Variants in AUH observed in about 807,000 individuals in gnomAD.
AUH encodes the protein methylglutaconyl-CoA hydratase, mitochondrial.
AUH carries 29 observed loss-of-function variants against 42.3 expected under a neutral mutation model. That is an observed-to-expected ratio of 0.69 (90% confidence interval 0.51 to 0.93). The LOEUF (loss-of-function observed/expected upper bound fraction) is 0.93, where lower values mean the gene tolerates loss of function less well. AUH is among the 40% of genes least tolerant of loss of function. The probability of loss-of-function intolerance (pLI) is 0.00; values close to 1 mark genes in which losing one functional copy is unlikely to be tolerated. For synonymous variants in AUH, 174 were observed against 166.4 expected (o/e 1.05, Z -0.35); for missense variants, 452 against 438.1 (o/e 1.03, Z -0.28).
intron 6 of AUH, among the ~76,000 whole-genome samples, chr9:91,292,334 G>A (rs985119322): frequency 6.0e-5 from 9 of 149,900 alleles, no homozygotes; most frequent in Non-Finnish European, 1.0e-4. Context: ...GCTGGAGTGC[G>A]GTGGTGTGAT....
At chr9:91,233,152 A>C (rs71494443) in intron 6 of AUH, among the ~76,000 whole-genome samples, 1 of 152,252 alleles carries the variant, frequency 6.6e-6, no homozygotes, top group South Asian at 2.1e-4. Context: ...AGAAATACAC[A>C]CAGAGAGTAA....
chr9:91,215,009 T>C (rs2131182181), intron 9 of AUH, among the ~76,000 whole-genome samples: 1 of 152,340 alleles, frequency 6.6e-6, no homozygotes, highest in Non-Finnish European at 1.5e-5. Context: ...CTAAGACGTT[T>C]GTAATTCACT....
At chr9:91,338,480 G>C (rs1013979477) in intron 3 of AUH, among the ~76,000 whole-genome samples, 2 of 152,188 alleles carry the variant, frequency 1.3e-5, no homozygotes, top group African/African-American at 4.8e-5. Flanking sequence ...GCCTAGGCTG[G>C]AGCGCAATGG....
intron 6 of AUH, among the ~76,000 whole-genome samples, chr9:91,238,004 G>A (rs1054336074): frequency 1.3e-5 from 2 of 152,162 alleles, no homozygotes; most frequent in East Asian, 3.8e-4. Context: ...AGGGAGTATG[G>A]GGAATGAGTT....
chr9:91,251,386 G>C (rs747000253), intron 6 of AUH, among the ~76,000 whole-genome samples: 2 of 152,190 alleles, frequency 1.3e-5, no homozygotes, highest in Non-Finnish European at 2.9e-5. Flanking sequence ...GGCTGCCAAG[G>C]TGAAATTTAT....
Position 91,220,932 on chromosome 9 carries a change from G to A in AUH, c.716C>T (p.Ser239Phe). ...TTCTTTGCCATCGAGGACTCGCGCA[G>A]AGAATATGAGCTCCTTGGCCAGGGA... ...GMSLAKELIF[S>F]ARVLDGKEAK... The change falls in exon 7 of 10, where the codon TCT becomes TTT. Residue 239 changes from serine (S) to phenylalanine (F), a missense_variant. Physicochemically the swap from Ser to Phe is radical, Grantham distance 155 (BLOSUM62 -2). Transcript: ENST00000375731. 1 of 1,614,224 alleles carries A rather than the reference G, an allele frequency of 6.2e-7. No homozygotes were observed. The highest frequency in any genetic ancestry group is 8.5e-7 in the Non-Finnish European group (1 of 1,180,040).
intron 6 of AUH, among the ~76,000 whole-genome samples, chr9:91,233,781 C>G (rs114626372): frequency 6.6e-6 from 1 of 152,172 alleles, no homozygotes; most frequent in African/African-American, 2.4e-5. Flanking sequence ...GAAGTGTCTT[C>G]TGTATAAGGT....
At chr9:91,299,884 G>A (rs796635725) in intron 4 of AUH, among the ~76,000 whole-genome samples, 9 of 152,110 alleles carry the variant, frequency 5.9e-5, no homozygotes, top group African/African-American at 2.2e-4. Flanking sequence ...CCCGTCAGAA[G>A]CCTTCCTTAG....
chr9:91,254,696 C>T (rs1210987318), intron 6 of AUH, among the ~76,000 whole-genome samples: 1 of 152,152 alleles, frequency 6.6e-6, no homozygotes. Flanking sequence ...CAAGAACTGC[C>T]TATATTGGCA....
chr9:91,357,449 A>T, intron 1 of AUH: 1 of 939,920 alleles, frequency 1.1e-6, no homozygotes, highest in Non-Finnish European at 1.3e-6. Flanking sequence ...CTAAGACTAG[A>T]TGTGTCCATT....
At chr9:91,291,472 A>G (rs537106546) in intron 6 of AUH, among the ~76,000 whole-genome samples, 59 of 152,330 alleles carry the variant, frequency 3.9e-4, no homozygotes, top group Admixed American at 1.1e-3. Context: ...TTTATTTCAC[A>G]TATTAGTTAT....
chr9:91,217,198 TAGAAG>T, intron 8 of AUH, 74 bp downstream of exon 8: 1 of 1,427,840 alleles, frequency 7.0e-7, no homozygotes, highest in Non-Finnish European at 9.8e-7. Flanking sequence ...AAAAAAAATG[TAGAAG>T]TCTAAACATG....
At chr9:91,297,072 G>C (rs185507272) in intron 5 of AUH, among the ~76,000 whole-genome samples, 1 of 152,340 alleles carries the variant, frequency 6.6e-6, no homozygotes, top group Admixed American at 6.5e-5. Context: ...AGGCAGAGCT[G>C]AGTCTCTATG....
chr9:91,324,370 G>T (rs1458518460), intron 4 of AUH, among the ~76,000 whole-genome samples: 1 of 151,990 alleles, frequency 6.6e-6, no homozygotes, highest in Non-Finnish European at 1.5e-5. Context: ...AGGCCTGATG[G>T]TTCACACCTG....
intron 6 of AUH, among the ~76,000 whole-genome samples, chr9:91,223,478 G>T (rs1827251190): frequency 6.6e-6 from 1 of 152,128 alleles, no homozygotes; most frequent in African/African-American, 2.4e-5. Context: ...CCCCTGGAAG[G>T]ATACCTGGGT....
At chr9:91,301,984 G>A (rs1827820575) in intron 4 of AUH, among the ~76,000 whole-genome samples, 1 of 152,086 alleles carries the variant, frequency 6.6e-6, no homozygotes, top group African/African-American at 2.4e-5. Flanking sequence ...TATTCAATGG[G>A]TAATTAAATA....
At chr9:91,290,343 A>C (rs1005061802) in intron 6 of AUH, among the ~76,000 whole-genome samples, 2 of 152,068 alleles carry the variant, frequency 1.3e-5, no homozygotes, top group African/African-American at 4.8e-5. Context: ...CGAACCCAAG[A>C]GTTTGAGGCT....
intron 6 of AUH, among the ~76,000 whole-genome samples, chr9:91,254,275 A>T (rs946463453): frequency 6.6e-6 from 1 of 152,204 alleles, no homozygotes; most frequent in Non-Finnish European, 1.5e-5. Flanking sequence ...ACAAAGCACT[A>T]TGGGAGGAAG....
intron 4 of AUH, among the ~76,000 whole-genome samples, chr9:91,317,846 T>C (rs895460562): frequency 6.6e-6 from 1 of 152,226 alleles, no homozygotes; most frequent in African/African-American, 2.4e-5. Flanking sequence ...TGTTGATATT[T>C]CTCAAATGCT....
Sources: allele counts gnomAD v4.1 joint callset (sites outside exome capture counted in the v4.1 genomes callset), GRCh38; gene constraint gnomAD v4.1.1; transcripts MANE v1.5; gene names NCBI Gene and HGNC (gene_info 2026-07-23, HGNC 2026-07-21).